CSNK2A2IP: variants seen among roughly 807,000 people sequenced by gnomAD.
CSNK2A2IP encodes casein kinase 2 subunit alpha' interacting protein.
At chr3:88,447,176 A>G in the CSNK2A2IP span, among the ~76,000 whole-genome samples, 2,076 of 152,270 alleles carry the variant, frequency 0.014, 40 homozygotes, top group African/African-American at 0.048. Context: ...ATTGAAACAT[A>G]GGTAAATAAA....
chr3:88,393,140 G>A, the CSNK2A2IP span, among the ~76,000 whole-genome samples: 1 of 152,168 alleles, frequency 6.6e-6, no homozygotes, highest in Non-Finnish European at 1.5e-5. Flanking sequence ...ATAGTGTGAG[G>A]TAAGTTGAAG....
the CSNK2A2IP span, among the ~76,000 whole-genome samples, chr3:88,339,366 A>T: frequency 2.6e-5 from 4 of 152,090 alleles, no homozygotes; most frequent in African/African-American, 9.7e-5. Flanking sequence ...GTTGCAAATG[A>T]CATGACTTCA....
At chr3:88,357,763 G>T in the CSNK2A2IP span, among the ~76,000 whole-genome samples, 1 of 150,806 alleles carries the variant, frequency 6.6e-6, no homozygotes, top group African/African-American at 2.4e-5. Context: ...TTCATCAATG[G>T]TTTTTTTTTG....
chr3:88,390,745 T>C, the CSNK2A2IP span, among the ~76,000 whole-genome samples: 1 of 152,168 alleles, frequency 6.6e-6, no homozygotes, highest in Non-Finnish European at 1.5e-5. Context: ...GCAATATAAG[T>C]ATCCAAATAT....
chr3:88,432,106 A>G, the CSNK2A2IP span, among the ~76,000 whole-genome samples: 1 of 151,866 alleles, frequency 6.6e-6, no homozygotes, highest in Non-Finnish European at 1.5e-5. Flanking sequence ...CTGGCTTTTC[A>G]TTTTTATGAG....
chr3:88,423,785 GA>G, the CSNK2A2IP span, among the ~76,000 whole-genome samples: 1 of 146,806 alleles, frequency 6.8e-6, no homozygotes, highest in African/African-American at 2.7e-5. Flanking sequence ...GAATGTAGAA[GA>G]GTAGCATCAC....
At chr3:88,344,830 A>G in the CSNK2A2IP span, among the ~76,000 whole-genome samples, 2 of 151,964 alleles carry the variant, frequency 1.3e-5, no homozygotes, top group African/African-American at 4.8e-5. Flanking sequence ...AAATTTCACT[A>G]GTTGACAGCA....
At chr3:88,353,310 A>T in the CSNK2A2IP span, among the ~76,000 whole-genome samples, 2 of 152,220 alleles carry the variant, frequency 1.3e-5, no homozygotes, top group African/African-American at 4.8e-5. Context: ...ATAAAAAACC[A>T]AAATTTGTGA....
chr3:88,414,357 A>G, the CSNK2A2IP span, among the ~76,000 whole-genome samples: 2 of 123,688 alleles, frequency 1.6e-5, no homozygotes, highest in Non-Finnish European at 3.1e-5. Flanking sequence ...ACCTCTGCTC[A>G]CTGTAACCTC....
the CSNK2A2IP span, chr3:88,466,612 C>T: frequency 4.1e-6 from 5 of 1,231,232 alleles, no homozygotes; most frequent in South Asian, 8.2e-5. Context: ...GTATAGTCAG[C>T]CCTGCATTGT....
the CSNK2A2IP span, among the ~76,000 whole-genome samples, chr3:88,372,115 A>G: frequency 6.6e-6 from 1 of 151,694 alleles, no homozygotes; most frequent in Non-Finnish European, 1.5e-5. Context: ...ATATAAGTAG[A>G]TATTTATAGC....
At chr3:88,429,438 C>A in the CSNK2A2IP span, among the ~76,000 whole-genome samples, 1 of 152,192 alleles carries the variant, frequency 6.6e-6, no homozygotes, top group African/African-American at 2.4e-5. Flanking sequence ...TGTGGCTCTT[C>A]TCTGTCCCAA....
the CSNK2A2IP span, among the ~76,000 whole-genome samples, chr3:88,402,763 C>G: frequency 6.6e-6 from 1 of 151,986 alleles, no homozygotes; most frequent in African/African-American, 2.4e-5. Flanking sequence ...GTGTGCAGTT[C>G]AACTTCAGAA....
chr3:88,397,759 C>T, the CSNK2A2IP span, among the ~76,000 whole-genome samples: 1 of 78,626 alleles, frequency 1.3e-5, no homozygotes, highest in African/African-American at 3.6e-5. Flanking sequence ...AGGATATCTC[C>T]TATCTCTTTT....
At chr3:88,354,010 C>G in the CSNK2A2IP span, among the ~76,000 whole-genome samples, 1 of 152,132 alleles carries the variant, frequency 6.6e-6, no homozygotes, top group African/African-American at 2.4e-5. Flanking sequence ...CTTGCTCTAT[C>G]AGTTACCATG....
the CSNK2A2IP span, among the ~76,000 whole-genome samples, chr3:88,357,454 C>T: frequency 2.0e-5 from 3 of 151,972 alleles, no homozygotes; most frequent in Non-Finnish European, 4.4e-5. Flanking sequence ...TGCTTTTGTG[C>T]CAGTATAATG....
chr3:88,433,273 T>TA, the CSNK2A2IP span, among the ~76,000 whole-genome samples: 150 of 152,092 alleles, frequency 9.9e-4, no homozygotes, highest in African/African-American at 3.3e-3. Flanking sequence ...TGTTCTGTTT[T>TA]TTCTGTTATT....
the CSNK2A2IP span, among the ~76,000 whole-genome samples, chr3:88,461,983 T>C: frequency 2.0e-5 from 3 of 151,744 alleles, no homozygotes; most frequent in Non-Finnish European, 4.4e-5. Context: ...AAGCCGAGGT[T>C]TTTTTTCATA....
At chr3:88,449,820 GAC>G in the CSNK2A2IP span, among the ~76,000 whole-genome samples, 1,155 of 47,094 alleles carry the variant, frequency 0.025, 27 homozygotes, top group African/African-American at 0.066. Context: ...TTTATATCGA[GAC>G]ACACACACAC....
Sources: allele counts gnomAD v4.1 joint callset (sites outside exome capture counted in the v4.1 genomes callset), GRCh38; gene constraint gnomAD v4.1.1; transcripts MANE v1.5; gene names NCBI Gene and HGNC (gene_info 2026-07-23, HGNC 2026-07-21).